Variants in COL19A1 observed in about 807,000 individuals in gnomAD.
COL19A1 encodes the protein collagen type XIX alpha 1 chain, also known as collagen alpha-1(XIX) chain.
COL19A1 carries 159 observed loss-of-function variants against 190.2 expected under a neutral mutation model. That is an observed-to-expected ratio of 0.84 (90% confidence interval 0.73 to 0.95). The LOEUF (loss-of-function observed/expected upper bound fraction) is 0.95. Among genes scored for constraint, COL19A1 ranks in the 40% least tolerant of loss-of-function variants. The probability of loss-of-function intolerance (pLI) is 0.00; values close to 1 mark genes in which losing one functional copy is unlikely to be tolerated. For missense variants in COL19A1, 1,418 were observed against 1,431.9 expected (o/e 0.99, Z 0.16); for synonymous variants, 509 against 458.9 (o/e 1.11, Z -1.39).
chr6:69,907,640 G>A (rs574359479), intron 4 of COL19A1, among the ~76,000 whole-genome samples: 1 of 152,256 alleles, frequency 6.6e-6, no homozygotes, highest in African/African-American at 2.4e-5. Context: ...GAATTATCAT[G>A]TTAAGATTTT....
At chr6:69,877,387 A>G (rs1201486840) in intron 1 of COL19A1, among the ~76,000 whole-genome samples, 1 of 152,196 alleles carries the variant, frequency 6.6e-6, no homozygotes, top group Non-Finnish European at 1.5e-5. Context: ...GTACATTCAG[A>G]AAGACAATTA....
chr6:70,086,498 C>A (rs937532607), intron 15 of COL19A1, among the ~76,000 whole-genome samples: 1 of 152,036 alleles, frequency 6.6e-6, no homozygotes, highest in African/African-American at 2.4e-5. Context: ...TTAAAAAATT[C>A]TTGAAGAAAA....
At position 70,165,978 on chromosome 6, in the gene COL19A1, G is replaced by A. The variant is rs750988142; in HGVS notation, c.2438G>A (p.Gly813Glu). 1.2e-6 allele frequency: 2 copies of A among 1,613,824 alleles called. No homozygotes were observed. The highest frequency in any genetic ancestry group is 4.5e-5 in the East Asian group (2 of 44,880). The stretch of plus-strand genomic sequence containing the variant: ...CCCCCTGGGAAACCCGGACCACCTG[G>A]ACCACCTGTGAGTTGTTCTAGGCTT... ...DGPPGKPGPP[G>E]PPGIPFNERN... Residue 813 changes from glycine (G) to glutamate (E), a missense_variant, in exon 37 of 51, where the codon GGA becomes GAA. By Grantham distance (98) the Gly-to-Glu change is moderately conservative (BLOSUM62 -2). Transcript: ENST00000620364.
intron 41 of COL19A1, among the ~76,000 whole-genome samples, chr6:70,172,614 C>A (rs907203049): frequency 6.6e-6 from 1 of 152,064 alleles, no homozygotes; most frequent in African/African-American, 2.4e-5. Flanking sequence ...AGAGTAAGCA[C>A]CTAAAAACAT....
At chr6:70,151,310 GA>G (rs1380586250) in intron 30 of COL19A1, 86 bp from the exon 31 acceptor site, 5 of 1,343,454 alleles carry the variant, frequency 3.7e-6, no homozygotes, top group South Asian at 2.6e-5. Context: ...GCATTTTGAG[GA>G]AAAATGTCTA....
chr6:70,109,109 A>C (rs1309120963), intron 16 of COL19A1, among the ~76,000 whole-genome samples: 1 of 152,124 alleles, frequency 6.6e-6, no homozygotes, highest in African/African-American at 2.4e-5. Context: ...GCAGTACACC[A>C]ATGGTTAATA....
intron 16 of COL19A1, among the ~76,000 whole-genome samples, chr6:70,107,666 G>A (rs1038683063): frequency 1.9e-4 from 29 of 152,118 alleles, no homozygotes; most frequent in African/African-American, 6.5e-4. Context: ...AAATTTGAAT[G>A]TCTATCAATG....
At chr6:70,023,999 A>C (rs2150106453) in intron 12 of COL19A1, among the ~76,000 whole-genome samples, 1 of 151,726 alleles carries the variant, frequency 6.6e-6, no homozygotes, top group South Asian at 2.1e-4. Context: ...TGCTCTTATC[A>C]GTGGTTCACT....
chr6:70,206,536 G>T (rs1362590755), intron 49 of COL19A1, among the ~76,000 whole-genome samples: 2 of 151,294 alleles, frequency 1.3e-5, no homozygotes, highest in African/African-American at 2.4e-5. Flanking sequence ...GGAGGCTGAG[G>T]CAGGAGGATC....
At chr6:69,908,508 T>A (rs765586798) in intron 4 of COL19A1, among the ~76,000 whole-genome samples, 2 of 152,206 alleles carry the variant, frequency 1.3e-5, no homozygotes, top group African/African-American at 2.4e-5. Flanking sequence ...ATACTTTTTT[T>A]AAATGGAAAG....
At chr6:69,911,847 A>G (rs770539485) in intron 4 of COL19A1, among the ~76,000 whole-genome samples, 26 of 152,138 alleles carry the variant, frequency 1.7e-4, no homozygotes, top group Admixed American at 5.9e-4. Context: ...CTACAAATAT[A>G]TACTTAATCC....
At position 70,172,919 on chromosome 6, in the gene COL19A1, T is replaced by C. The variant is rs1765582739; in HGVS notation, c.2622+902T>C. The stretch of plus-strand genomic sequence containing the variant: ...CAGTAATCCAGGTGCCAGGTGATGC[T>C]GGCTCAGATCAGAGCAGAAACAGTG... On this transcript the variant is annotated intron_variant, in intron 41 of 50. Coordinates refer to ENST00000620364, the MANE Select transcript of COL19A1 (RefSeq NM_001858.6). Among the ~76,000 whole-genome samples the C allele has an allele frequency of 2.0e-5, 3 of 152,342 alleles. No homozygotes were observed. In the East Asian group the frequency reaches 5.8e-4, roughly 29 times the overall value.
rs769221824 is a variant in COL19A1 at position 69,928,011 on chromosome 6, A to G, written c.369A>G (p.Leu123=). Residue 123 remains leucine (L), a synonymous_variant, in exon 5 of 51, where the codon TTA becomes TTG. Coordinates refer to ENST00000620364, the MANE Select transcript of COL19A1 (RefSeq NM_001858.6). ...KKERWFLWQV[L]NQQNIPQISI... is the part of the protein sequence containing the mutation. ...AACGGTGGTTTCTGTGGCAGGTTTT[A>G]AACCAGCAGAATATTCCACAGGTAA... 6.2e-7 allele frequency: 1 copy of G among 1,613,204 alleles called. No homozygotes were observed. Among genetic ancestry groups the G allele is most frequent in the East Asian group, 2.2e-5 (1 of 44,844 alleles).
chr6:69,878,362 CG>C (rs1485204792), intron 1 of COL19A1, among the ~76,000 whole-genome samples: 1 of 151,740 alleles, frequency 6.6e-6, no homozygotes, highest in African/African-American at 2.4e-5. Context: ...TACAGGTGCC[CG>C]CCACCGTGCC....
At chr6:69,947,432 A>T (rs1402553633) in intron 9 of COL19A1, among the ~76,000 whole-genome samples, 2 of 151,874 alleles carry the variant, frequency 1.3e-5, no homozygotes, top group Non-Finnish European at 2.9e-5. Flanking sequence ...TAGAATATTT[A>T]AAAAATTGTT....
At chr6:70,112,792 T>C (rs1442431919) in intron 16 of COL19A1, among the ~76,000 whole-genome samples, 1 of 152,206 alleles carries the variant, frequency 6.6e-6, no homozygotes, top group East Asian at 1.9e-4. Context: ...TGTGCAATTT[T>C]GGAAGACAAT....
chr6:70,182,555 A>G (rs964830387), intron 44 of COL19A1, among the ~76,000 whole-genome samples: 1 of 152,222 alleles, frequency 6.6e-6, no homozygotes, highest in African/African-American at 2.4e-5. Flanking sequence ...GAGTGCTTCA[A>G]CTGTTAGGAA....
Position 70,019,788 on chromosome 6 carries a change from C to A in COL19A1, c.1027-3839C>A, listed in dbSNP as rs192812057. Among the ~76,000 whole-genome samples the A allele has an allele frequency of 3.0e-3, 453 of 152,196 alleles. 2 individuals carry two copies. Among genetic ancestry groups the A allele is most frequent in the Admixed American group, 3.8e-3 (58 of 15,276 alleles). Reference sequence around the variant, plus strand: ...ACACAAGAAACAATCTAAATGCATTCTACTCTCTACAACCTCTGATGTCAA... The same window carrying A: ...ACACAAGAAACAATCTAAATGCATTATACTCTCTACAACCTCTGATGTCAA... On this transcript the variant is annotated intron_variant, in intron 11 of 50. Transcript: ENST00000620364.
intron 9 of COL19A1, among the ~76,000 whole-genome samples, chr6:69,945,591 A>G: frequency 6.6e-6 from 1 of 152,190 alleles, no homozygotes; most frequent in Non-Finnish European, 1.5e-5. Context: ...ACTTCTTTTA[A>G]TATGTCAATA....
Sources: allele counts gnomAD v4.1 joint callset (sites outside exome capture counted in the v4.1 genomes callset), GRCh38; gene constraint gnomAD v4.1.1; transcripts MANE v1.5; gene names NCBI Gene and HGNC (gene_info 2026-07-23, HGNC 2026-07-21).